RBFOX1: variants seen among roughly 807,000 people sequenced by gnomAD.
RBFOX1 encodes RNA binding protein fox-1 homolog 1.
In RBFOX1, 8 loss-of-function variants were observed where a neutral mutation model predicts 57.7. That is an observed-to-expected ratio of 0.14 (90% confidence interval 0.08 to 0.25). The LOEUF is 0.25. Among genes scored for constraint, RBFOX1 ranks in the 10% least tolerant of loss-of-function variants. RBFOX1 has a pLI of 1.00. For synonymous variants in RBFOX1, 326 were observed against 222.4 expected (o/e 1.47, Z -4.15); for missense variants, 611 against 548.5 (o/e 1.11, Z -1.14).
At chr16:7,189,490 T>C (rs1035292315) in intron 4 of RBFOX1, among the ~76,000 whole-genome samples, 2 of 135,730 alleles carry the variant, frequency 1.5e-5, no homozygotes, top group East Asian at 2.5e-4. Context: ...AGACCCACAC[T>C]GATTCAGGTA....
intron 2 of RBFOX1, among the ~76,000 whole-genome samples, chr16:6,524,462 C>G (rs930539500): frequency 2.0e-5 from 3 of 152,160 alleles, no homozygotes; most frequent in Admixed American, 1.3e-4. Context: ...TACAAACTCA[C>G]TTTCGAAGCG....
intron 3 of RBFOX1, among the ~76,000 whole-genome samples, chr16:5,614,959 T>C (rs903559022): frequency 6.6e-6 from 1 of 152,048 alleles, no homozygotes; most frequent in African/African-American, 2.4e-5. Flanking sequence ...AGAAGAGTGA[T>C]GAGAGATGGG....
At chr16:5,472,367 G>T (rs2069167790) in intron 2 of RBFOX1, among the ~76,000 whole-genome samples, 1 of 152,130 alleles carries the variant, frequency 6.6e-6, no homozygotes, top group South Asian at 2.1e-4. Context: ...AACCCCCATT[G>T]CAAGAAAGAT....
At chr16:6,179,105 G>T (rs2097040292) in intron 1 of RBFOX1, among the ~76,000 whole-genome samples, 1 of 152,164 alleles carries the variant, frequency 6.6e-6, no homozygotes, top group South Asian at 2.1e-4. Context: ...AGGGAGGGTG[G>T]ATGTGGAAAG....
At chr16:5,699,019 G>C (rs1289706972) in intron 3 of RBFOX1, among the ~76,000 whole-genome samples, 1 of 124,440 alleles carries the variant, frequency 8.0e-6, no homozygotes, top group East Asian at 2.3e-4. Flanking sequence ...ACAGAGTCTT[G>C]CTCTGTTGCC....
chr16:6,920,256 T>G, intron 3 of RBFOX1, among the ~76,000 whole-genome samples: 1 of 14,176 alleles, frequency 7.1e-5, no homozygotes, highest in Admixed American at 6.6e-4. Flanking sequence ...GCACATGTGT[T>G]TTTTTATATG....
At chr16:5,709,845 T>TATATATATATATATA (rs1567430549) in intron 3 of RBFOX1, among the ~76,000 whole-genome samples, 2 of 7,394 alleles carry the variant, frequency 2.7e-4, no homozygotes, top group African/African-American at 5.4e-4. Flanking sequence ...ATATATATAT[T>TATATATATATATATA]TTTTTTTTTT....
Position 6,432,514 on chromosome 16 carries a change from A to G in RBFOX1, c.-64+115457A>G, listed in dbSNP as rs80145435. Among the ~76,000 whole-genome samples the G allele has an allele frequency of 6.1e-3, 899 of 147,374 alleles. 32 individuals are homozygous for G. In the East Asian group the frequency reaches 0.13, roughly 21 times the overall value. ...GGGTGTAACCTCATCTTTACTAAAA[A>G]TACAAAAAAAAAAAAAAATGAGCGG... On this transcript the variant is annotated intron_variant, in intron 2 of 15. Coordinates refer to ENST00000550418, the MANE Select transcript of RBFOX1 (RefSeq NM_018723.4).
chr16:7,426,389 G>A (rs1478635749), intron 4 of RBFOX1, among the ~76,000 whole-genome samples: 5 of 152,150 alleles, frequency 3.3e-5, no homozygotes, highest in Non-Finnish European at 7.3e-5. Context: ...ATGGGCACAG[G>A]CTGCCGAATT....
chr16:7,409,542 A>C (rs1168035090), intron 4 of RBFOX1, among the ~76,000 whole-genome samples: 2 of 152,168 alleles, frequency 1.3e-5, no homozygotes, highest in Non-Finnish European at 2.9e-5. Context: ...ATTATTTTGC[A>C]CTATCCTAAG....
chr16:6,296,801 C>T (rs556486194), intron 1 of RBFOX1, among the ~76,000 whole-genome samples: 51 of 152,222 alleles, frequency 3.4e-4, no homozygotes, highest in Admixed American at 5.2e-4. Context: ...AGAGGAAGTC[C>T]ATGCATGTGT....
intron 3 of RBFOX1, among the ~76,000 whole-genome samples, chr16:5,652,394 G>A (rs2049270951): frequency 6.6e-6 from 1 of 152,204 alleles, no homozygotes; most frequent in African/African-American, 2.4e-5. Flanking sequence ...CCCAAAGCCT[G>A]TGCTTTTAAC....
At chr16:6,232,949 G>A (rs537024912) in intron 1 of RBFOX1, among the ~76,000 whole-genome samples, 5 of 152,280 alleles carry the variant, frequency 3.3e-5, no homozygotes, top group Non-Finnish European at 4.4e-5. Flanking sequence ...ATCAGGGTTT[G>A]AGAACTCTCA....
intron 1 of RBFOX1, among the ~76,000 whole-genome samples, chr16:6,270,975 A>G (rs2075142785): frequency 6.6e-6 from 1 of 152,248 alleles, no homozygotes; most frequent in South Asian, 2.1e-4. Context: ...CTCCAGGAAA[A>G]TAAATAAGTG....
intron 14 of RBFOX1, among the ~76,000 whole-genome samples, chr16:7,705,532 A>G (rs759447187): frequency 6.6e-6 from 1 of 152,156 alleles, no homozygotes; most frequent in South Asian, 2.1e-4. Context: ...TAAAAATCCT[A>G]TGTGCCTGGA....
chr16:7,337,831 C>A (rs188404900), intron 4 of RBFOX1, among the ~76,000 whole-genome samples: 10 of 152,190 alleles, frequency 6.6e-5, no homozygotes, highest in Admixed American at 1.3e-4. Context: ...ATTACAGGCA[C>A]GTGCCACCAC....
intron 2 of RBFOX1, among the ~76,000 whole-genome samples, chr16:6,396,266 G>A (rs2092830865): frequency 6.6e-6 from 1 of 151,974 alleles, no homozygotes; most frequent in South Asian, 2.1e-4. Flanking sequence ...TGGAAAGAGA[G>A]GTACTGTAAC....
intron 4 of RBFOX1, among the ~76,000 whole-genome samples, chr16:7,433,989 A>G (rs1428123168): frequency 6.6e-6 from 1 of 152,194 alleles, no homozygotes; most frequent in Non-Finnish European, 1.5e-5. Context: ...TGTGAGAACG[A>G]TGAGAGGGAA....
intron 3 of RBFOX1, among the ~76,000 whole-genome samples, chr16:5,613,305 T>C (rs1331893179): frequency 6.6e-6 from 1 of 152,168 alleles, no homozygotes; most frequent in Non-Finnish European, 1.5e-5. Context: ...ATTTGCACAG[T>C]TGAGGGTGGG....
Sources: gnomAD v4.1 joint callset for allele counts (sites outside exome capture counted in the v4.1 genomes callset) on GRCh38, gnomAD v4.1.1 for gene constraint, MANE v1.5 for transcripts, NCBI Gene and HGNC (gene_info 2026-07-23, HGNC 2026-07-21) for gene names.